Variants in RBM19 observed in about 807,000 individuals in gnomAD.
RBM19 encodes probable RNA-binding protein 19.
RBM19 carries 94 observed loss-of-function variants against 116.8 expected under a neutral mutation model. The ratio of observed to expected loss-of-function variants is 0.80; its 90% CI spans 0.68 to 0.95. The LOEUF is 0.95. Among genes scored for constraint, RBM19 ranks in the 40% least tolerant of loss-of-function variants. The pLI is 0.00. For synonymous variants in RBM19, 475 were observed against 494.1 expected, an observed-to-expected ratio of 0.96 and a Z score of 0.51; for missense variants, 1,161 against 1,220.7, an observed-to-expected ratio of 0.95 and a Z score of 0.73.
chr12:113,963,180 G>C (rs1668693860), intron 1 of RBM19, among the ~76,000 whole-genome samples: 1 of 152,192 alleles, frequency 6.6e-6, no homozygotes, highest in African/African-American at 2.4e-5. Context: ...AAAACTGTAA[G>C]ATAAGGATTG....
At chr12:113,915,812 C>G (rs1882736261) in intron 20 of RBM19, among the ~76,000 whole-genome samples, 1 of 152,216 alleles carries the variant, frequency 6.6e-6, no homozygotes, top group Admixed American at 6.5e-5. Context: ...AGACTCAGCA[C>G]TGGACCCAGA....
In RBM19 at chr12:113,920,688, C is replaced by T. The variant is rs763718755; in HGVS notation, c.2308G>A (p.Val770Met). 1.4e-5 allele frequency: 22 copies of T among 1,613,578 alleles called. No individual in the cohort carries two copies. Among genetic ancestry groups the T allele is most frequent in the Non-Finnish European group, 1.8e-5 (21 of 1,179,628 alleles). ...AATCCAAACCCCATGGAAAGGAGCA[C>T]TCCTGAGAGAGAGAGGTGGAAATCA... is the stretch of plus-strand genomic sequence containing the variant. ...SISKKKNKAG[V>M]LLSMGFGFVE... Residue 770 changes from valine to methionine, a missense_variant and splice_region_variant, in exon 19 of 24, where the codon GTG becomes ATG. Val to Met is a conservative substitution (Grantham distance 21). Coordinates refer to ENST00000261741, the MANE Select transcript of RBM19 (RefSeq NM_016196.4).
At chr12:113,882,546 C>T (rs1337156738) in intron 21 of RBM19, among the ~76,000 whole-genome samples, 3 of 152,266 alleles carry the variant, frequency 2.0e-5, no homozygotes, top group African/African-American at 7.2e-5. Flanking sequence ...GAACGACTGG[C>T]ACAGCCTGCT....
At chr12:113,818,624 T>C (rs1874211437), downstream of RBM19, among the ~76,000 whole-genome samples, 1 of 152,258 alleles carries the variant, frequency 6.6e-6, no homozygotes, top group Non-Finnish European at 1.5e-5. Context: ...GTCTGCTAAC[T>C]ACTTTCCATT....
At chr12:113,955,414 G>A (rs1297106649) in intron 6 of RBM19, among the ~76,000 whole-genome samples, 1 of 139,998 alleles carries the variant, frequency 7.1e-6, no homozygotes, top group Non-Finnish European at 1.5e-5. Flanking sequence ...ATGTGCCCCT[G>A]AGACGAGGGC....
rs1395977648 is a variant in RBM19, at chr12:113,946,484, G to C, written c.1408-9C>G. 6.2e-7 allele frequency: 1 copy of C among 1,614,158 alleles called. No homozygotes were observed. The highest frequency in any genetic ancestry group is 1.1e-5 in the South Asian group (1 of 91,076). ...ACGTGGAGCATCCTGCCCTGGATGG[G>C]AATGACGGGAAGGGAGTAAACAGAA... On this transcript the variant is annotated splice_polypyrimidine_tract_variant and intron_variant, in intron 11 of 23. Coordinates refer to ENST00000261741, the MANE Select transcript of RBM19 (RefSeq NM_016196.4).
downstream of RBM19, among the ~76,000 whole-genome samples, chr12:113,819,529 C>T (rs1874283464): frequency 6.6e-6 from 1 of 152,228 alleles, no homozygotes; most frequent in Non-Finnish European, 1.5e-5. Flanking sequence ...AGGAGTGCTC[C>T]CTCCTCAGTG....
chr12:113,871,633 C>T (rs565765842), intron 21 of RBM19, among the ~76,000 whole-genome samples: 1 of 152,290 alleles, frequency 6.6e-6, no homozygotes, highest in Admixed American at 6.5e-5. Context: ...CCCTTGATTA[C>T]ACAAAAAGTA....
At chr12:113,935,537 T>C (rs1236360285) in intron 16 of RBM19, among the ~76,000 whole-genome samples, 1 of 152,154 alleles carries the variant, frequency 6.6e-6, no homozygotes, top group Non-Finnish European at 1.5e-5. Flanking sequence ...CAATCATCAT[T>C]AACCCCAACG....
chr12:113,903,463 GT>G lies in RBM19; in HGVS notation c.2558+11505del, dbSNP rs1593558261. ...TGTGAACGTGAGTTGTCATTTCTCTGTTGTTGATGCCCAAGAGTGCAATCAC... is the reference window on the plus strand; with the variant it reads ...TGTGAACGTGAGTTGTCATTTCTCTGTGTTGATGCCCAAGAGTGCAATCAC... On this transcript the variant is annotated intron_variant, in intron 21 of 23. Coordinates refer to ENST00000261741, the MANE Select transcript of RBM19 (RefSeq NM_016196.4). The surrounding 1 kb of genome is among the most constrained non-coding windows in gnomAD (Gnocchi z 5.1). Among the ~76,000 whole-genome samples, 1 of 152,174 alleles carries G rather than the reference GT, an allele frequency of 6.6e-6. No homozygotes were observed. The highest frequency in any genetic ancestry group is 2.4e-5 in the African/African-American group (1 of 41,438).
intron 22 of RBM19, among the ~76,000 whole-genome samples, chr12:113,849,495 G>A (rs3782432): frequency 0.07 from 10,686 of 152,294 alleles, 675 homozygotes; most frequent in East Asian, 0.34. Context: ...AGTATGTCCC[G>A]TTCTGAGAGA....
intron 21 of RBM19, among the ~76,000 whole-genome samples, chr12:113,908,996 G>A (rs1882256830): frequency 6.6e-6 from 1 of 152,232 alleles, no homozygotes; most frequent in Non-Finnish European, 1.5e-5. Context: ...GCAGTTCCAA[G>A]GGGAGCTGAG....
chr12:113,930,720 TC>T (rs935327196), intron 16 of RBM19, among the ~76,000 whole-genome samples: 33 of 152,206 alleles, frequency 2.2e-4, no homozygotes, highest in African/African-American at 7.5e-4. Context: ...CCCGGAGACG[TC>T]CGTTCTTTCC....
intron 19 of RBM19, among the ~76,000 whole-genome samples, chr12:113,918,746 A>G (rs1005950721): frequency 2.6e-5 from 4 of 152,238 alleles, no homozygotes; most frequent in African/African-American, 9.6e-5. Context: ...AAGCATGTTC[A>G]GGCAAAGTAA....
At chr12:113,960,918 G>C (rs1327089751) in intron 2 of RBM19, among the ~76,000 whole-genome samples, 1 of 152,180 alleles carries the variant, frequency 6.6e-6, no homozygotes, top group African/African-American at 2.4e-5. Context: ...AGGACTTTGA[G>C]AGCGCTGGTT....
intron 18 of RBM19, among the ~76,000 whole-genome samples, chr12:113,923,810 T>C (rs1213724119): frequency 2.0e-5 from 3 of 152,222 alleles, no homozygotes; most frequent in Non-Finnish European, 2.9e-5. Flanking sequence ...CACCAGCACA[T>C]TGGTCTCTCT....
At chr12:113,883,676 G>C (rs1462341937) in intron 21 of RBM19, among the ~76,000 whole-genome samples, 1 of 152,166 alleles carries the variant, frequency 6.6e-6, no homozygotes, top group Non-Finnish European at 1.5e-5. Context: ...ACTGATCAGC[G>C]TTGAGCTGGG....
At chr12:113,948,024 T>C (rs1331743695) in intron 10 of RBM19, among the ~76,000 whole-genome samples, 2 of 152,218 alleles carry the variant, frequency 1.3e-5, no homozygotes, top group Non-Finnish European at 2.9e-5. Context: ...GACTGGTGAA[T>C]GGAACACACA....
chr12:113,825,539 G>A lies in RBM19; in HGVS notation c.2786-2218C>T, dbSNP rs181193925. On this transcript the variant is annotated intron_variant, in intron 23 of 23. Coordinates refer to ENST00000261741, the MANE Select transcript of RBM19 (RefSeq NM_016196.4). The surrounding 1 kb of genome is among the most constrained non-coding windows in gnomAD (Gnocchi z 5.7). ...ACAGGGCCCACAGGCGATCACTGACGCCCCTCCCATCTGCTAATATGAGTT... is the reference window on the plus strand; with the variant it reads ...ACAGGGCCCACAGGCGATCACTGACACCCCTCCCATCTGCTAATATGAGTT... Among the ~76,000 whole-genome samples the A allele has an allele frequency of 1.2e-4, 19 of 152,254 alleles. No homozygotes were observed. The highest frequency in any genetic ancestry group is 2.6e-4 in the Non-Finnish European group (18 of 68,006).
Sources: allele counts gnomAD v4.1 joint callset (sites outside exome capture counted in the v4.1 genomes callset), GRCh38; gene constraint gnomAD v4.1.1; non-coding constraint Gnocchi (gnomAD v3.1); transcripts MANE v1.5; gene names NCBI Gene and HGNC (gene_info 2026-07-23, HGNC 2026-07-21).